USH2A: variants seen among roughly 807,000 people sequenced by gnomAD.
The protein encoded by USH2A is Usher syndrome 2A (autosomal recessive, mild).
A neutral mutation model predicts 538.9 loss-of-function variants in USH2A; 443 were observed. The ratio of observed to expected loss-of-function variants is 0.82; its 90% CI spans 0.76 to 0.89. The LOEUF is 0.89. USH2A is among the 40% of genes least tolerant of loss of function. USH2A has a pLI of 0.00. For synonymous variants in USH2A, 2,413 were observed against 2,273.5 expected (o/e 1.06, Z -1.75); for missense variants, 6,633 against 6,324.8 (o/e 1.05, Z -1.65).
intron 4 of USH2A, among the ~76,000 whole-genome samples, chr1:216,355,383 G>GAAACAAAC (rs1553253087): frequency 6.7e-6 from 1 of 148,422 alleles, no homozygotes; most frequent in East Asian, 2.0e-4. Flanking sequence ...AAGAAGGAAA[G>GAAACAAAC]AAACATATAG....
intron 3 of USH2A, among the ~76,000 whole-genome samples, chr1:216,380,496 ATG>A (rs2102732745): frequency 6.6e-6 from 1 of 152,286 alleles, no homozygotes; most frequent in South Asian, 2.1e-4. Flanking sequence ...AGTTAAGAAA[ATG>A]TGTATTATTT....
At chr1:215,728,669 A>G (rs1659904508) in intron 60 of USH2A, among the ~76,000 whole-genome samples, 1 of 152,140 alleles carries the variant, frequency 6.6e-6, no homozygotes, top group South Asian at 2.1e-4. Flanking sequence ...CACAGAAGAA[A>G]TATAAAAAGC....
At chr1:216,370,446 G>A (rs943472694) in intron 3 of USH2A, among the ~76,000 whole-genome samples, 1 of 151,776 alleles carries the variant, frequency 6.6e-6, no homozygotes, top group Non-Finnish European at 1.5e-5. Context: ...GAGGTAAGTG[G>A]ATCACGAGGT....
chr1:215,951,107 G>C (rs947575630), intron 37 of USH2A, among the ~76,000 whole-genome samples: 2 of 152,054 alleles, frequency 1.3e-5, no homozygotes, highest in African/African-American at 4.8e-5. Flanking sequence ...TTTTGAATGT[G>C]TTTGCTCTTG....
At chr1:216,280,465 T>C (rs1339950793) in intron 11 of USH2A, among the ~76,000 whole-genome samples, 1 of 152,046 alleles carries the variant, frequency 6.6e-6, no homozygotes, top group Admixed American at 6.6e-5. Flanking sequence ...TGTATCCTAC[T>C]CAATTTATAC....
chr1:215,714,685 C>T (rs1659432791), intron 61 of USH2A, among the ~76,000 whole-genome samples: 1 of 152,146 alleles, frequency 6.6e-6, no homozygotes, highest in African/African-American at 2.4e-5. Context: ...GTTTTCCCTT[C>T]AAATTTTTCT....
intron 3 of USH2A, among the ~76,000 whole-genome samples, chr1:216,410,407 T>A (rs535446472): frequency 9.2e-5 from 14 of 152,216 alleles, no homozygotes; most frequent in African/African-American, 2.9e-4. Context: ...CACATGTATA[T>A]TCGTTGCAGC....
intron 56 of USH2A, among the ~76,000 whole-genome samples, chr1:215,764,774 A>G (rs1832950): frequency 0.045 from 6,821 of 152,152 alleles, 537 homozygotes; most frequent in African/African-American, 0.15. Flanking sequence ...CTTTACAGTA[A>G]AACAACAGAA....
At chr1:216,377,529 GT>G (rs2038844675) in intron 3 of USH2A, among the ~76,000 whole-genome samples, 1 of 152,140 alleles carries the variant, frequency 6.6e-6, no homozygotes, top group East Asian at 1.9e-4. Context: ...TAAGTCAATA[GT>G]TTTTGTTATC....
At chr1:216,292,064 A>G (rs1162490836) in intron 10 of USH2A, 111 bp downstream of exon 10, 1 of 1,255,508 alleles carries the variant, frequency 8.0e-7, no homozygotes, top group African/African-American at 1.5e-5. Flanking sequence ...ACTTAAAGGT[A>G]TGAAAGTACA....
intron 56 of USH2A, among the ~76,000 whole-genome samples, chr1:215,765,361 T>C (rs1243306050): frequency 6.6e-6 from 1 of 152,142 alleles, no homozygotes; most frequent in Non-Finnish European, 1.5e-5. Context: ...AGGAGCCATA[T>C]GCCCCATATG....
chr1:215,684,622 G>A (rs562311327), intron 61 of USH2A, among the ~76,000 whole-genome samples: 238 of 152,246 alleles, frequency 1.6e-3, no homozygotes, highest in Non-Finnish European at 2.6e-3. Flanking sequence ...AAACAATGAT[G>A]TATAGGCACT....
intron 61 of USH2A, among the ~76,000 whole-genome samples, chr1:215,684,418 A>G (rs765566657): frequency 2.5e-4 from 38 of 152,234 alleles, no homozygotes; most frequent in Non-Finnish European, 4.7e-4. Context: ...TGTCAATAAA[A>G]GGCTGTGTGG....
intron 35 of USH2A, among the ~76,000 whole-genome samples, chr1:215,983,407 A>G (rs935241292): frequency 3.9e-5 from 6 of 152,232 alleles, no homozygotes; most frequent in African/African-American, 1.2e-4. Context: ...TAAGTTGATT[A>G]TTATTTGAAA....
intron 22 of USH2A, among the ~76,000 whole-genome samples, chr1:216,091,586 A>G (rs1177915024): frequency 1.3e-5 from 2 of 152,188 alleles, no homozygotes; most frequent in African/African-American, 2.4e-5. Context: ...TTCCCTAAAC[A>G]TTTATTCAAT....
chr1:216,251,179 G>T, intron 11 of USH2A, 81 bp from the exon 12 acceptor site: 2 of 1,414,826 alleles, frequency 1.4e-6, no homozygotes, highest in Non-Finnish European at 2.0e-6. Context: ...AGACAGGGAG[G>T]GAGGGAGAAG....
chr1:215,897,357 G>T (rs79056031), intron 40 of USH2A, among the ~76,000 whole-genome samples: 1 of 152,226 alleles, frequency 6.6e-6, no homozygotes, highest in Middle Eastern at 3.4e-3. Flanking sequence ...TCTCTGTTTC[G>T]TTCTGTAAGA....
intron 32 of USH2A, among the ~76,000 whole-genome samples, chr1:216,018,713 T>C (rs1668775310): frequency 6.6e-6 from 1 of 152,212 alleles, no homozygotes; most frequent in Non-Finnish European, 1.5e-5. Flanking sequence ...GTGAAAGAGC[T>C]CTTTTCTCCA....
chr1:215,907,586 C>T (rs924726619), intron 38 of USH2A, among the ~76,000 whole-genome samples: 1 of 152,008 alleles, frequency 6.6e-6, no homozygotes, highest in East Asian at 1.9e-4. Flanking sequence ...TCAAGTGATG[C>T]TGCTGAAACT....
Sources: allele counts gnomAD v4.1 joint callset (sites outside exome capture counted in the v4.1 genomes callset), GRCh38; gene constraint gnomAD v4.1.1; transcripts MANE v1.5; gene names NCBI Gene and HGNC (gene_info 2026-07-23, HGNC 2026-07-21).